The following SLA variants were observed in gnomAD, a reference collection of about 807,000 sequenced individuals.
SLA encodes src-like-adapter.
Under a neutral mutation model 30.3 loss-of-function variants are expected in SLA, and 16 were observed. That is an observed-to-expected ratio of 0.53 (90% CI 0.36 to 0.80). The LOEUF is 0.80. Among genes scored for constraint, SLA ranks in the 30% least tolerant of loss-of-function variants. The probability of loss-of-function intolerance (pLI) is 0.01; values close to 1 mark genes in which losing one functional copy is unlikely to be tolerated. For synonymous variants in SLA, 143 were observed against 137.8 expected (o/e 1.04, Z -0.26); for missense variants, 310 against 345.2 (o/e 0.90, Z 0.81).
At chr8:133,070,106 T>C (rs1843773844) in intron 2 of SLA, among the ~76,000 whole-genome samples, 2 of 150,494 alleles carry the variant, frequency 1.3e-5, no homozygotes, top group African/African-American at 4.9e-5. Context: ...GGATTTGTGG[T>C]GTGCTAGTAA....
At chr8:133,067,422 C>T (rs1044225613) in intron 2 of SLA, among the ~76,000 whole-genome samples, 1 of 152,148 alleles carries the variant, frequency 6.6e-6, no homozygotes, top group Non-Finnish European at 1.5e-5. Flanking sequence ...CATGCAACTC[C>T]TAGCCTTCTT....
chr8:133,093,667 G>T (rs775589453), intron 1 of SLA, among the ~76,000 whole-genome samples: 6 of 152,124 alleles, frequency 3.9e-5, no homozygotes, highest in Non-Finnish European at 7.4e-5. Context: ...GACTGGCCTT[G>T]CCTCTGACCC....
At chr8:133,099,545 G>A (rs1371937580) in intron 1 of SLA, among the ~76,000 whole-genome samples, 1 of 152,126 alleles carries the variant, frequency 6.6e-6, no homozygotes, top group Non-Finnish European at 1.5e-5. Flanking sequence ...TTAGCCAATG[G>A]CCCACTTGAC....
At chr8:133,081,587 A>T (rs2131534292) in intron 1 of SLA, among the ~76,000 whole-genome samples, 1 of 138,226 alleles carries the variant, frequency 7.2e-6, no homozygotes, top group South Asian at 2.2e-4. Flanking sequence ...AGGAAGAAGA[A>T]GAAAAAAAAA....
chr8:133,061,964 C>T (rs956412469), intron 2 of SLA, among the ~76,000 whole-genome samples: 2 of 152,214 alleles, frequency 1.3e-5, no homozygotes, highest in Admixed American at 6.5e-5. Context: ...ATATCTTAGA[C>T]ATTTACATGA....
At chr8:133,100,331 C>A (rs940648475) in intron 1 of SLA, among the ~76,000 whole-genome samples, 1 of 152,192 alleles carries the variant, frequency 6.6e-6, no homozygotes, top group Non-Finnish European at 1.5e-5. Flanking sequence ...TACACCCTAC[C>A]CCAGCACTCA....
At chr8:133,042,678 C>CCTTTTTTTTTTTTTTTTTTTTTTTTTTTT (rs1554706932) in intron 7 of SLA, among the ~76,000 whole-genome samples, 1 of 56,732 alleles carries the variant, frequency 1.8e-5, no homozygotes, top group Non-Finnish European at 3.2e-5. Flanking sequence ...CATTCTGTGT[C>CCTTTTTTTTTTTTTTTTTTTTTTTTTTTT]TTTTTTTTTT....
chr8:133,050,192 A>G (rs942857933), intron 4 of SLA: 5 of 573,816 alleles, frequency 8.7e-6, no homozygotes, highest in Non-Finnish European at 1.6e-5. Flanking sequence ...CCTCCATTGC[A>G]AGCCAACTGG....
intron 5 of SLA, among the ~76,000 whole-genome samples, chr8:133,048,183 C>T (rs1285875173): frequency 6.6e-6 from 1 of 152,104 alleles, no homozygotes; most frequent in Non-Finnish European, 1.5e-5. Flanking sequence ...CATCCAATTC[C>T]ATAACCACCT....
At chr8:133,039,251 A>G (rs1047930758) in intron 8 of SLA, among the ~76,000 whole-genome samples, 5 of 152,196 alleles carry the variant, frequency 3.3e-5, no homozygotes, top group Non-Finnish European at 5.9e-5. Context: ...CTAACCCATT[A>G]TTTTAATTCT....
At chr8:133,092,611 G>A (rs547053342) in intron 1 of SLA, among the ~76,000 whole-genome samples, 27 of 152,256 alleles carry the variant, frequency 1.8e-4, no homozygotes, top group Non-Finnish European at 3.7e-4. Flanking sequence ...ACCCTATAAC[G>A]TATGGTTGAT....
At chr8:133,058,404 C>A (rs1341492229) in intron 3 of SLA, among the ~76,000 whole-genome samples, 3 of 152,184 alleles carry the variant, frequency 2.0e-5, no homozygotes, top group Admixed American at 6.5e-5. Context: ...CATAATGGAA[C>A]AAAATCAACT....
chr8:133,065,935 G>A (rs980004661), intron 2 of SLA, among the ~76,000 whole-genome samples: 6 of 152,136 alleles, frequency 3.9e-5, no homozygotes, highest in Non-Finnish European at 5.9e-5. Flanking sequence ...GGTTTCCAGC[G>A]GGGATGAGGG....
intron 1 of SLA, among the ~76,000 whole-genome samples, chr8:133,097,977 G>A (rs1054292341): frequency 2.0e-5 from 3 of 152,206 alleles, no homozygotes; most frequent in Middle Eastern, 6.8e-3. Flanking sequence ...GCAAGGGGGG[G>A]TGTCAAGTAA....
At chr8:133,069,042 T>C (rs1050409596) in intron 2 of SLA, among the ~76,000 whole-genome samples, 11 of 152,220 alleles carry the variant, frequency 7.2e-5, no homozygotes, top group African/African-American at 2.4e-4. Context: ...AGCCATTACA[T>C]AGAATGGGGA....
At chr8:133,101,568 A>G (rs573336083) in intron 1 of SLA, among the ~76,000 whole-genome samples, 1 of 146,480 alleles carries the variant, frequency 6.8e-6, no homozygotes, top group East Asian at 2.0e-4. Flanking sequence ...GAAACAGGAC[A>G]TATCAATTGC....
intron 3 of SLA, among the ~76,000 whole-genome samples, chr8:133,054,998 A>T (rs891001693): frequency 6.6e-6 from 1 of 152,190 alleles, no homozygotes; most frequent in African/African-American, 2.4e-5. Flanking sequence ...TACAGAAAAT[A>T]CGTGATTATT....
intron 7 of SLA, 72 bp downstream of exon 7, chr8:133,044,912 G>A (rs781158796): frequency 8.0e-5 from 120 of 1,502,094 alleles, no homozygotes; most frequent in Middle Eastern, 5.2e-4. Flanking sequence ...CATTCCAGAC[G>A]GATGGCGCCA....
chr8:133,057,949 T>C (rs556270760), intron 3 of SLA, among the ~76,000 whole-genome samples: 4 of 152,244 alleles, frequency 2.6e-5, no homozygotes, highest in South Asian at 4.1e-4. Context: ...GGGTCTGTGG[T>C]GCCTCTCTGG....
Sources: allele counts gnomAD v4.1 joint callset (sites outside exome capture counted in the v4.1 genomes callset), GRCh38; gene constraint gnomAD v4.1.1; transcripts MANE v1.5; gene names NCBI Gene and HGNC (gene_info 2026-07-23, HGNC 2026-07-21).